The following PIGN variants were observed in gnomAD, a reference collection of about 807,000 sequenced individuals.
PIGN encodes phosphatidylinositol glycan anchor biosynthesis class N.
Under a neutral mutation model 125.4 loss-of-function variants are expected in PIGN, and 117 were observed. That is an observed-to-expected ratio of 0.93 (90% CI 0.80 to 1.09). PIGN has a LOEUF of 1.09. Ranked by LOEUF, PIGN falls within the 50% of genes least tolerant of loss-of-function variation. The pLI, the probability that PIGN is intolerant of heterozygous loss-of-function variation, is 0.00. For synonymous variants in PIGN, 392 were observed against 377.8 expected, an observed-to-expected ratio of 1.04 and a Z score of -0.44; for missense variants, 1,075 against 1,094.9, an observed-to-expected ratio of 0.98 and a Z score of 0.26.
chr18:62,144,432 T>C (rs983097348), intron 10 of PIGN, among the ~76,000 whole-genome samples: 4 of 152,196 alleles, frequency 2.6e-5, no homozygotes, highest in Non-Finnish European at 5.9e-5. Context: ...GATCTACCTC[T>C]TGTTTACCTC....
chr18:62,113,948 A>C (rs758312630), intron 15 of PIGN, among the ~76,000 whole-genome samples: 27 of 152,224 alleles, frequency 1.8e-4, no homozygotes, highest in Non-Finnish European at 2.9e-4. Context: ...TAATGTATAG[A>C]TAATTCCAAG....
chr18:62,082,684 TAACTGAGTAGTC>T lies in PIGN; in HGVS notation c.2553_2564del (p.Thr852_Leu855del), dbSNP rs756230776. On this transcript the variant is annotated inframe_deletion, in exon 28 of 31. Coordinates refer to ENST00000640252, the MANE Select transcript of PIGN (RefSeq NM_176787.5). Reference sequence around the variant, plus strand: ...CTAATTCATCTTACCTTTTTGACGATAACTGAGTAGTCAACTGAACTGCTTCAAAAGCACACA... The same window carrying T: ...CTAATTCATCTTACCTTTTTGACGATAACTGAACTGCTTCAAAAGCACACA... The T allele has an allele frequency of 6.5e-7, 1 of 1,536,980 alleles. No homozygotes were observed. The highest frequency in any genetic ancestry group is 1.2e-5 in the South Asian group (1 of 83,596).
At chr18:62,085,979 T>C (rs951807719) in intron 25 of PIGN, among the ~76,000 whole-genome samples, 1 of 152,172 alleles carries the variant, frequency 6.6e-6, no homozygotes, top group Non-Finnish European at 1.5e-5. Flanking sequence ...CATGACAATT[T>C]TCAGTGAAAA....
intron 23 of PIGN, among the ~76,000 whole-genome samples, chr18:62,093,424 G>A (rs1462649339): frequency 6.6e-6 from 1 of 151,996 alleles, no homozygotes; most frequent in Non-Finnish European, 1.5e-5. Flanking sequence ...ACCGGCTCAG[G>A]GAGAACATAA....
intron 22 of PIGN, among the ~76,000 whole-genome samples, chr18:62,099,072 C>T (rs557181314): frequency 6.6e-6 from 1 of 152,086 alleles, no homozygotes; most frequent in South Asian, 2.1e-4. Context: ...TTATATGCTT[C>T]TTGAGAACAA....
At chr18:62,100,379 T>C (rs900098420) in intron 22 of PIGN, among the ~76,000 whole-genome samples, 6 of 152,176 alleles carry the variant, frequency 3.9e-5, no homozygotes, top group South Asian at 2.1e-4. Context: ...GAATGTAAGT[T>C]AGTACAGCCA....
intron 23 of PIGN, among the ~76,000 whole-genome samples, chr18:62,025,424 T>G (rs1038085832): frequency 2.6e-5 from 4 of 152,176 alleles, no homozygotes; most frequent in African/African-American, 9.6e-5. Context: ...AGGGTATATG[T>G]AAAGACCAGA....
chr18:62,167,692 C>T (rs1249848440), intron 1 of PIGN, among the ~76,000 whole-genome samples: 1 of 138,502 alleles, frequency 7.2e-6, no homozygotes, highest in Non-Finnish European at 1.7e-5. Flanking sequence ...CTCTCTCTCT[C>T]TCTCTACATA....
At chr18:62,148,595 A>T (rs1190690723) in intron 7 of PIGN, among the ~76,000 whole-genome samples, 1 of 152,170 alleles carries the variant, frequency 6.6e-6, no homozygotes, top group African/African-American at 2.4e-5. Context: ...TTTCATAGAG[A>T]TCTCATAATG....
At position 62,085,195 on chromosome 18, in the gene PIGN, T is replaced by C; in HGVS notation, c.2426+14A>G. On this transcript the variant is annotated intron_variant, in intron 26 of 30. Coordinates refer to ENST00000640252, the MANE Select transcript of PIGN (RefSeq NM_176787.5). Reference sequence around the variant, plus strand: ...TTTTAGTTATATATATATGCCACTTTCATTTAAAATTACCTGTTAATAGAA... The same window carrying C: ...TTTTAGTTATATATATATGCCACTTCCATTTAAAATTACCTGTTAATAGAA... The C allele has an allele frequency of 7.0e-7, 1 of 1,429,024 alleles. No homozygotes were observed. Among genetic ancestry groups the C allele is most frequent in the Non-Finnish European group, 9.6e-7 (1 of 1,039,276 alleles). 88.5% of individuals were successfully genotyped at this position (1,429,024 alleles called of 1,614,324 possible). A position where few individuals can be genotyped will look rare whatever the true frequency, so the allele number is the denominator to read the frequency against.
intron 1 of PIGN, among the ~76,000 whole-genome samples, chr18:62,169,464 T>C (rs1385165233): frequency 1.0e-5 from 1 of 98,940 alleles, no homozygotes; most frequent in Non-Finnish European, 2.3e-5. Context: ...TTCTTCTTAT[T>C]TTTTTATTAT....
chr18:62,115,878 C>T (rs561435027), intron 14 of PIGN, among the ~76,000 whole-genome samples: 46 of 151,994 alleles, frequency 3.0e-4, no homozygotes, highest in African/African-American at 1.0e-3. Flanking sequence ...TTTGGGGGAC[C>T]GAGGTAGGAG....
chr18:62,142,026 A>G (rs1217492985), intron 11 of PIGN, among the ~76,000 whole-genome samples: 1 of 152,180 alleles, frequency 6.6e-6, no homozygotes, highest in East Asian at 1.9e-4. Flanking sequence ...TGCTGACTAC[A>G]GTCTATCATA....
chr18:62,041,172 T>C lies in PIGN; in HGVS notation c.*4684A>G, dbSNP rs1364272792. The C allele has an allele frequency of 6.6e-6, 1 of 152,188 alleles. No individual in the cohort carries two copies. The highest frequency in any genetic ancestry group is 1.5e-5 in the Non-Finnish European group (1 of 68,038). The allele number at this position is 152,188 out of a possible 1,614,324, so 9.4% of individuals were successfully genotyped here. Reference sequence around the variant, plus strand: ...AATCATAAGAAAACAAGTTGAAATTTGGTGCAAATTTATTTTTCAGGTAAA... The same window carrying C: ...AATCATAAGAAAACAAGTTGAAATTCGGTGCAAATTTATTTTTCAGGTAAA... On this transcript the variant is annotated 3_prime_UTR_variant, in exon 31 of 31. Coordinates refer to ENST00000640252, the MANE Select transcript of PIGN (RefSeq NM_176787.5).
intron 15 of PIGN, among the ~76,000 whole-genome samples, 160 bp from the exon 16 acceptor site, chr18:62,113,476 A>T (rs2146583782): frequency 6.6e-6 from 1 of 152,294 alleles, no homozygotes; most frequent in East Asian, 1.9e-4. Flanking sequence ...TTGTTCCAGG[A>T]TCTTCTTTTA....
At chr18:62,169,198 T>G (rs1282160271) in intron 1 of PIGN, among the ~76,000 whole-genome samples, 1 of 152,200 alleles carries the variant, frequency 6.6e-6, no homozygotes, top group Non-Finnish European at 1.5e-5. Context: ...TTTTGAATTT[T>G]ATAAAAATCT....
chr18:62,106,885 G>A lies in PIGN; in HGVS notation c.1675-4C>T. ...AGCGGTAGAAAAAACTGAGAACCTA[G>A]TAATGCATTCCAAAGAAGGAATGAA... is the stretch of plus-strand genomic sequence containing the variant. On this transcript the variant is annotated splice_region_variant and splice_polypyrimidine_tract_variant and intron_variant, in intron 18 of 30. Transcript: ENST00000640252. 1.2e-6 allele frequency: 2 copies of A among 1,601,678 alleles called. No individual in the cohort carries two copies. The highest frequency in any genetic ancestry group is 1.7e-6 in the Non-Finnish European group (2 of 1,172,680).
At chr18:62,164,344 C>A (rs756807316) in intron 1 of PIGN, among the ~76,000 whole-genome samples, 1 of 152,112 alleles carries the variant, frequency 6.6e-6, no homozygotes, top group African/African-American at 2.4e-5. Context: ...CACATTGCTA[C>A]GAAGAACCAT....
intron 23 of PIGN, among the ~76,000 whole-genome samples, chr18:62,092,672 C>T (rs1431788384): frequency 6.6e-6 from 1 of 151,832 alleles, no homozygotes; most frequent in African/African-American, 2.4e-5. Flanking sequence ...AAGACAAATA[C>T]GGGGGTAACA....
Sources: gnomAD v4.1 joint callset for allele counts (sites outside exome capture counted in the v4.1 genomes callset) on GRCh38, gnomAD v4.1.1 for gene constraint, MANE v1.5 for transcripts, NCBI Gene and HGNC (gene_info 2026-07-23, HGNC 2026-07-21) for gene names.